Variants in C9 observed in about 807,000 individuals in gnomAD.
The protein encoded by C9 is complement component C9.
Under a neutral mutation model 65.4 loss-of-function variants are expected in C9, and 63 were observed. The observed-to-expected ratio is 0.96, with a 90% CI of 0.79 to 1.19. The LOEUF (loss-of-function observed/expected upper bound fraction) is 1.19. C9 is among the 50% of genes most tolerant of loss of function. The probability of loss-of-function intolerance (pLI) is 0.00; values close to 1 mark genes in which losing one functional copy is unlikely to be tolerated. For missense variants in C9, 744 were observed against 670.1 expected (o/e 1.11, Z -1.22); for synonymous variants, 229 against 227.9 (o/e 1.00, Z -0.04).
intron 9 of C9, among the ~76,000 whole-genome samples, chr5:39,303,085 A>G (rs1023314116): frequency 2.0e-5 from 3 of 152,166 alleles, no homozygotes; most frequent in African/African-American, 7.2e-5. Flanking sequence ...AAGAAATAAT[A>G]ATCTTTATAT....
intron 8 of C9, 56 bp downstream of exon 8, chr5:39,308,174 C>A: frequency 6.8e-7 from 1 of 1,479,844 alleles, no homozygotes; most frequent in Non-Finnish European, 9.5e-7. Context: ...GAGGGCAGTG[C>A]TCATTGACAT....
intron 6 of C9, among the ~76,000 whole-genome samples, chr5:39,312,547 G>A (rs116193680): frequency 1.1e-3 from 169 of 152,226 alleles, no homozygotes; most frequent in African/African-American, 3.8e-3. Context: ...ATTTTGAGAC[G>A]TGGAACTCAA....
chr5:39,328,189 T>C (rs771231741), intron 5 of C9, among the ~76,000 whole-genome samples: 2 of 152,168 alleles, frequency 1.3e-5, no homozygotes, highest in Non-Finnish European at 2.9e-5. Context: ...AAAGAGGGAC[T>C]GAGTAGCAAA....
At chr5:39,359,674 T>C (rs892916749) in intron 1 of C9, among the ~76,000 whole-genome samples, 1 of 152,200 alleles carries the variant, frequency 6.6e-6, no homozygotes, top group African/African-American at 2.4e-5. Flanking sequence ...TCGATTAGGC[T>C]AGAGCAGAGG....
intron 1 of C9, among the ~76,000 whole-genome samples, chr5:39,361,007 A>T (rs1271068542): frequency 6.6e-6 from 1 of 152,192 alleles, no homozygotes; most frequent in Non-Finnish European, 1.5e-5. Flanking sequence ...AGTGCGAAAG[A>T]TTGGAAACAC....
At chr5:39,341,457 T>C in intron 3 of C9, 99 bp downstream of exon 3, 2 of 1,510,406 alleles carry the variant, frequency 1.3e-6, no homozygotes, top group African/African-American at 2.7e-5. Flanking sequence ...CCTTTCACGC[T>C]TGGAAATCCA....
At chr5:39,321,178 T>C (rs1753660581) in intron 5 of C9, among the ~76,000 whole-genome samples, 1 of 152,066 alleles carries the variant, frequency 6.6e-6, no homozygotes, top group Admixed American at 6.6e-5. Context: ...ATATCTGTAG[T>C]ATGAAAATTA....
rs1227175850 is a variant in C9, at chr5:39,331,682, G to A, written c.609C>T (p.Ile203=). ...YRRPWNVASL[I]YETKGEKNFR... ...TTCCTCCGAGGAGACTTACTTCATA[G>A]ATCAAAGAAGCCACGTTCCAAGGTC... The change falls in exon 5 of 11, where the codon ATC becomes ATT. Residue 203 remains isoleucine (I), a synonymous_variant. Transcript: ENST00000263408. 6.2e-7 allele frequency: 1 copy of A among 1,613,910 alleles called. No homozygotes were observed. The highest frequency in any genetic ancestry group is 1.7e-5 in the Admixed American group (1 of 60,028).
chr5:39,302,466 T>C (rs977049623), intron 9 of C9, among the ~76,000 whole-genome samples: 5 of 152,132 alleles, frequency 3.3e-5, no homozygotes, highest in Admixed American at 6.6e-5. Flanking sequence ...AGAATGAGTG[T>C]TGTTTTTTAT....
At chr5:39,336,172 T>C (rs1055977822) in intron 4 of C9, among the ~76,000 whole-genome samples, 1 of 152,182 alleles carries the variant, frequency 6.6e-6, no homozygotes, top group Non-Finnish European at 1.5e-5. Flanking sequence ...TTTCTAACAG[T>C]TGGAAATTTT....
chr5:39,284,923 T>G lies in C9; in HGVS notation c.*276A>C, dbSNP rs1489980115. 7.0e-6 allele frequency: 3 copies of G among 430,322 alleles called. No homozygotes were observed. Among genetic ancestry groups the G allele is most frequent in the Non-Finnish European group, 1.2e-5 (3 of 240,104 alleles). The allele number at this position is 430,322 out of a possible 1,614,324, so 26.7% of individuals were successfully genotyped here. A position where few individuals can be genotyped will look rare whatever the true frequency, so the allele number is the denominator to read the frequency against. Reference sequence around the variant, plus strand: ...GTTTTTAATTTAATTTTGTTTTTTTTTAGAAGAGATTGGCATTTTCCGTGG... The same window carrying G: ...GTTTTTAATTTAATTTTGTTTTTTTGTAGAAGAGATTGGCATTTTCCGTGG... On this transcript the variant is annotated 3_prime_UTR_variant, in exon 11 of 11. Coordinates refer to ENST00000263408, the MANE Select transcript of C9 (RefSeq NM_001737.5).
chr5:39,328,224 G>T (rs1753784874), intron 5 of C9, among the ~76,000 whole-genome samples: 1 of 152,220 alleles, frequency 6.6e-6, no homozygotes, highest in African/African-American at 2.4e-5. Context: ...TAACTTTGAA[G>T]AAACAACTGT....
intron 1 of C9, among the ~76,000 whole-genome samples, chr5:39,358,442 C>T (rs577219735): frequency 2.0e-5 from 3 of 152,270 alleles, no homozygotes; most frequent in Non-Finnish European, 2.9e-5. Flanking sequence ...GGGAAGGGTG[C>T]AGCTCCACCT....
chr5:39,363,118 G>A (rs1430356423), intron 1 of C9, among the ~76,000 whole-genome samples: 1 of 152,160 alleles, frequency 6.6e-6, no homozygotes, highest in Non-Finnish European at 1.5e-5. Context: ...CTTAAGAAAG[G>A]GTCAGGTGAA....
chr5:39,345,382 G>A (rs933652237), intron 1 of C9, among the ~76,000 whole-genome samples: 1 of 152,158 alleles, frequency 6.6e-6, no homozygotes, highest in Non-Finnish European at 1.5e-5. Flanking sequence ...CGTAGTCTCT[G>A]ATAAAACAGA....
At chr5:39,359,020 ATAT>A (rs1561357692) in intron 1 of C9, among the ~76,000 whole-genome samples, 740 of 9,132 alleles carry the variant, frequency 0.081, 8 homozygotes, top group Non-Finnish European at 0.23. Context: ...AATAAAAAAT[ATAT>A]ATATATATAT....
rs371882254 is a variant in C9, at chr5:39,311,401, A to G, written c.871-24T>C. The G allele has an allele frequency of 9.3e-6, 15 of 1,606,668 alleles. No homozygotes were observed. The African/African-American group carries it at 1.3e-4, about 14-fold the overall frequency. ...TCCTGTGTTGTAGAGCAGATGAAGA[A>G]GAGAAACATGTGTTTTATCCACCAT... On this transcript the variant is annotated intron_variant, in intron 6 of 10. Coordinates refer to ENST00000263408, the MANE Select transcript of C9 (RefSeq NM_001737.5).
intron 10 of C9, 115 bp from the exon 11 acceptor site, chr5:39,285,348 G>A (rs776807144): frequency 5.0e-6 from 4 of 800,840 alleles, no homozygotes; most frequent in Non-Finnish European, 8.9e-6. Context: ...GTGCCATACT[G>A]TCTAGGTACT....
At chr5:39,347,743 G>A (rs1754235444) in intron 1 of C9, among the ~76,000 whole-genome samples, 1 of 152,096 alleles carries the variant, frequency 6.6e-6, no homozygotes, top group Non-Finnish European at 1.5e-5. Context: ...CAAAGCTGGA[G>A]ACATCATGCT....
Sources: allele counts gnomAD v4.1 joint callset (sites outside exome capture counted in the v4.1 genomes callset), GRCh38; gene constraint gnomAD v4.1.1; transcripts MANE v1.5; gene names NCBI Gene and HGNC (gene_info 2026-07-23, HGNC 2026-07-21).